Variants in TECTA observed in about 807,000 individuals in gnomAD.
TECTA encodes alpha-tectorin.
In TECTA, 128 loss-of-function variants were observed where a neutral mutation model predicts 216.8. That is an observed-to-expected ratio of 0.59 (90% confidence interval 0.51 to 0.68). The LOEUF is 0.68. Among genes scored for constraint, TECTA ranks in the 30% least tolerant of loss-of-function variants. The pLI is 0.00. For missense variants in TECTA, 2,551 were observed against 2,786.2 expected, an observed-to-expected ratio of 0.92 and a Z score of 1.90; for synonymous variants, 1,089 against 1,117.1, an observed-to-expected ratio of 0.97 and a Z score of 0.50.
At chr11:121,161,672 C>G (rs1947001583) in intron 15 of TECTA, among the ~76,000 whole-genome samples, 1 of 150,112 alleles carries the variant, frequency 6.7e-6, no homozygotes, top group Admixed American at 6.7e-5. Context: ...TAGAAACCTT[C>G]CTTTCAAATC....
rs375120271 is a variant in TECTA at position 121,187,845 on chromosome 11, A to C, written c.6013A>C (p.Lys2005Gln). ...FIIEGGCQNL[K>Q]DNTIGIEENA... ...TTTTCTGAATAGGTGTCAGAACCTC[A>C]AAGATAACACCATTGGCATCGAGGA... Residue 2005 changes from lysine (K) to glutamine (Q), a missense_variant, in exon 21 of 24, where the codon AAA becomes CAA. Physicochemically the swap from Lys to Gln is moderately conservative, Grantham distance 53 (BLOSUM62 1). Around this residue, in one of 3 missense-constraint regions of TECTA, gnomAD observed 58 missense variants for 105.9 expected, o/e 0.55. Coordinates refer to ENST00000392793, the MANE Select transcript of TECTA (RefSeq NM_005422.4). 26 of 1,614,242 alleles carry C rather than the reference A, an allele frequency of 1.6e-5. 1 individual carries two copies. Among genetic ancestry groups the C allele is most frequent in the South Asian group, 5.5e-5 (5 of 91,088 alleles).
At chr11:121,177,024 A>G (rs1445242987) in intron 20 of TECTA, among the ~76,000 whole-genome samples, 2 of 152,192 alleles carry the variant, frequency 1.3e-5, no homozygotes, top group African/African-American at 4.8e-5. Flanking sequence ...TTTCAGCTCC[A>G]TCAGCTCCTT....
chr11:121,113,156 G>C lies in TECTA; in HGVS notation c.571G>C (p.Gly191Arg). 1 of 1,614,038 alleles carries C rather than the reference G, an allele frequency of 6.2e-7. No homozygotes were observed. The highest frequency in any genetic ancestry group is 1.1e-5 in the South Asian group (1 of 91,056). The change falls in exon 5 of 24, where the codon GGG becomes CGG. Residue 191 changes from glycine (G) to arginine (R), a missense_variant. Physicochemically the swap from Gly to Arg is moderately radical, Grantham distance 125 (BLOSUM62 -2). Transcript: ENST00000392793. This position sits in a 1 kb window ranked among gnomAD's most constrained non-coding sequence, Gnocchi z 4.2. ...TTATTACGAAATCAACTGGACCACG[G>C]GGACGGCGAGTGGCGGCGACCCCCT... is the stretch of plus-strand genomic sequence containing the variant. Reference protein sequence around the residue: ...FNYYEINWTTGTASGGDPLTG... With the variant: ...FNYYEINWTTRTASGGDPLTG...
chr11:121,125,548 C>G lies in TECTA; in HGVS notation c.1450C>G (p.Leu484Val). 3 of 1,614,146 alleles carry G rather than the reference C, an allele frequency of 1.9e-6. No individual in the cohort carries two copies. The highest frequency in any genetic ancestry group is 1.3e-5 in the African/African-American group (1 of 75,072). Reference sequence around the variant, plus strand: ...GGATGGCAGGCCGGCCATGTCTGTCCTGGATCTGGGAGAGAGCTGGCGTGT... The same window carrying G: ...GGATGGCAGGCCGGCCATGTCTGTCGTGGATCTGGGAGAGAGCTGGCGTGT... ...RPDGRPAMSV[L>V]DLGESWRVYH... Residue 484 changes from leucine to valine, a missense_variant, in exon 8 of 24, where the codon CTG (leucine) becomes GTG (valine). This residue lies in a region of TECTA where 2,375 missense variants were observed against 2,563.9 expected (regional missense o/e 0.93). Coordinates refer to ENST00000392793, the MANE Select transcript of TECTA (RefSeq NM_005422.4).
At position 121,160,209 on chromosome 11, in the gene TECTA, G is replaced by C. The variant is rs762445525; in HGVS notation, c.4764G>C (p.Leu1588=). ...AAATCTACAGCAGTGAGGGGTTTCT[G>C]GTGATTGACACCAGCCCAGACATCC... The part of the protein sequence containing the change: ...ATKIYSSEGF[L]VIDTSPDIQI... Residue 1588 remains leucine (L), a synonymous_variant, in exon 15 of 24, where the codon CTG becomes CTC. Transcript: ENST00000392793. The C allele has an allele frequency of 6.2e-7, 1 of 1,614,172 alleles. No homozygotes were observed. The highest frequency in any genetic ancestry group is 1.1e-5 in the South Asian group (1 of 91,074).
chr11:121,178,482 T>G (rs887784975), intron 20 of TECTA, among the ~76,000 whole-genome samples: 1 of 151,826 alleles, frequency 6.6e-6, no homozygotes, highest in Non-Finnish European at 1.5e-5. Context: ...TTCTTGAGGA[T>G]TTTTGCATCT....
chr11:121,147,989 G>A (rs34217740), intron 12 of TECTA, among the ~76,000 whole-genome samples: 38,755 of 152,066 alleles, frequency 0.25, 6,098 homozygotes, highest in African/African-American at 0.44. Context: ...AGGAATAAGG[G>A]CCCCCACTAC....
Position 121,152,994 on chromosome 11 carries a change from C to T in TECTA, c.4219C>T (p.His1407Tyr), listed in dbSNP as rs1181292263. The change falls in exon 13 of 24, where the codon CAC (histidine) becomes TAC (tyrosine). Residue 1407 changes from histidine to tyrosine, a missense_variant. Physicochemically the swap from His to Tyr is moderately conservative, Grantham distance 83 (BLOSUM62 2). Coordinates refer to ENST00000392793, the MANE Select transcript of TECTA (RefSeq NM_005422.4). ...CAGCCACTACTGCGTGGAGGGCTGTCACTGCGACGCTGGCTACGTCCTCAA... is the reference window on the plus strand; with the variant it reads ...CAGCCACTACTGCGTGGAGGGCTGTTACTGCGACGCTGGCTACGTCCTCAA... ...DCSHYCVEGC[H>Y]CDAGYVLNGK... is the part of the protein sequence containing the mutation. 1 of 1,614,074 alleles carries T rather than the reference C, an allele frequency of 6.2e-7. No homozygotes were observed. Among genetic ancestry groups the T allele is most frequent in the East Asian group, 2.2e-5 (1 of 44,896 alleles).
intron 11 of TECTA, among the ~76,000 whole-genome samples, chr11:121,141,803 C>T (rs923312189): frequency 3.3e-5 from 5 of 152,162 alleles, no homozygotes; most frequent in African/African-American, 7.2e-5. Flanking sequence ...ACCAAGTCCT[C>T]GGGGTAGAAA....
rs1243404006 is a variant in TECTA at position 121,168,107 on chromosome 11, C to T, written c.5640C>T (p.Asn1880=). Residue 1880 remains asparagine, a synonymous_variant, in exon 19 of 24, where the codon AAC becomes AAT. Transcript: ENST00000392793. ...YKNTLWIESA[N]NTGNIITRDR... is the part of the protein sequence containing the mutation. ...ACACACTCTGGATCGAAAGCGCCAA[C>T]AACACTGGCAACATCATCACCAGGG... 3 of 1,614,192 alleles carry T rather than the reference C, an allele frequency of 1.9e-6. No homozygotes were observed. Among genetic ancestry groups the T allele is most frequent in the Admixed American group, 3.3e-5 (2 of 60,026 alleles).
At chr11:121,111,688 C>T (rs931283360) in intron 4 of TECTA, among the ~76,000 whole-genome samples, 2 of 152,210 alleles carry the variant, frequency 1.3e-5, no homozygotes, top group Admixed American at 6.5e-5. Flanking sequence ...GAGGCTCTAG[C>T]TTTAGTCCTT....
Position 121,110,602 on chromosome 11 carries a change from C to T in TECTA, c.486+1104C>T, listed in dbSNP as rs1390004558. ...AACCTCTAAAGAAGCACACATTTCCCTCTGTCACGTTATAGATCGCTAACG... is the reference window on the plus strand; with the variant it reads ...AACCTCTAAAGAAGCACACATTTCCTTCTGTCACGTTATAGATCGCTAACG... On this transcript the variant is annotated intron_variant, in intron 4 of 23. Transcript: ENST00000392793. 3 of 152,190 alleles carry T rather than the reference C, an allele frequency of 2.0e-5. No homozygotes were observed. The East Asian group carries it at 5.8e-4, about 29-fold the overall frequency. 9.4% of individuals were successfully genotyped at this position (152,190 alleles called of 1,614,324 possible).
At chr11:121,139,163 G>A in intron 11 of TECTA, among the ~76,000 whole-genome samples, 1 of 152,148 alleles carries the variant, frequency 6.6e-6, no homozygotes, top group East Asian at 1.9e-4. Context: ...CTCTTCCCTT[G>A]CTTGCACACC....
Position 121,113,193 on chromosome 11 carries a change from G to T in TECTA, c.608G>T (p.Gly203Val). The T allele has an allele frequency of 6.2e-7, 1 of 1,614,072 alleles. No homozygotes were observed. The highest frequency in any genetic ancestry group is 8.5e-7 in the Non-Finnish European group (1 of 1,180,010). Residue 203 changes from glycine to valine, a missense_variant, in exon 5 of 24, where the codon GGT becomes GTT. This residue lies in a region of TECTA where 2,375 missense variants were observed against 2,563.9 expected (regional missense o/e 0.93). Transcript: ENST00000392793. This position sits in a 1 kb window ranked among gnomAD's most constrained non-coding sequence, Gnocchi z 4.2. ...ASGGDPLTGL[G>V]GVMAQAGFNG... Reference sequence around the variant, plus strand: ...GGCGGCGACCCCCTGACAGGTCTTGGTGGAGTGATGGCACAGGTAGGTGGC... The same window carrying T: ...GGCGGCGACCCCCTGACAGGTCTTGTTGGAGTGATGGCACAGGTAGGTGGC...
Position 121,137,817 on chromosome 11 carries a change from G to A in TECTA, c.3338G>A (p.Gly1113Asp). 1 of 1,611,582 alleles carries A rather than the reference G, an allele frequency of 6.2e-7. No individual in the cohort carries two copies. The highest frequency in any genetic ancestry group is 8.5e-7 in the Non-Finnish European group (1 of 1,177,874). ...TACGGCCACTACCTCACCTTTGATGGCTTCCCCTTTGACTTCCAGACCAGC... is the reference window on the plus strand; with the variant it reads ...TACGGCCACTACCTCACCTTTGATGACTTCCCCTTTGACTTCCAGACCAGC... ...SGYGHYLTFD[G>D]FPFDFQTSCP... The change falls in exon 11 of 24, where the codon GGC (glycine) becomes GAC (aspartate). Residue 1113 changes from glycine to aspartate, a missense_variant. Gly to Asp is a moderately conservative substitution (Grantham distance 94, BLOSUM62 -1). Around this residue, in one of 3 missense-constraint regions of TECTA, gnomAD observed 2,375 missense variants for 2,563.9 expected, o/e 0.93. Coordinates refer to ENST00000392793, the MANE Select transcript of TECTA (RefSeq NM_005422.4).
chr11:121,107,900 C>T (rs1295654780), intron 3 of TECTA, among the ~76,000 whole-genome samples: 1 of 152,256 alleles, frequency 6.6e-6, no homozygotes, highest in East Asian at 1.9e-4. Flanking sequence ...TTTTATGCAG[C>T]GATTGTACCA....
intron 19 of TECTA, 121 bp downstream of exon 19, chr11:121,168,338 T>C: frequency 1.5e-6 from 2 of 1,325,732 alleles, no homozygotes; most frequent in Non-Finnish European, 2.2e-6. Context: ...TCACGTTTCT[T>C]GAGCCTAAAT....
At chr11:121,178,646 G>GT (rs967780502) in intron 20 of TECTA, among the ~76,000 whole-genome samples, 89 of 151,068 alleles carry the variant, frequency 5.9e-4, no homozygotes, top group Non-Finnish European at 1.1e-3. Context: ...TTCATCTTCA[G>GT]TTTTTTTTGA....
At chr11:121,172,971 G>C (rs1405967623) in intron 20 of TECTA, among the ~76,000 whole-genome samples, 1 of 149,542 alleles carries the variant, frequency 6.7e-6, no homozygotes, top group Non-Finnish European at 1.5e-5. Context: ...GTGTTTTTTG[G>C]CTGCATAAAT....
Sources: gnomAD v4.1 joint callset for allele counts (sites outside exome capture counted in the v4.1 genomes callset) on GRCh38, gnomAD v4.1.1 for gene constraint, gnomAD v4.1.1 regional missense constraint, Gnocchi (gnomAD v3.1) non-coding constraint, MANE v1.5 for transcripts, NCBI Gene and HGNC (gene_info 2026-07-23, HGNC 2026-07-21) for gene names.